The following LOC128462377 variants were observed in gnomAD, a reference collection of about 807,000 sequenced individuals.
At chr16:89,405,941 C>T in the LOC128462377 span, among the ~76,000 whole-genome samples, 2 of 152,034 alleles carry the variant, frequency 1.3e-5, no homozygotes, top group Non-Finnish European at 1.5e-5. Flanking sequence ...AAAGCCCCGT[C>T]TCTACTAAAA....
At chr16:89,330,654 G>A in the LOC128462377 span, among the ~76,000 whole-genome samples, 39 of 43,228 alleles carry the variant, frequency 9.0e-4, no homozygotes, top group African/African-American at 3.1e-3. Flanking sequence ...CCAGTACAGT[G>A]ACTGGGGGGG....
chr16:89,350,522 G>A, the LOC128462377 span, among the ~76,000 whole-genome samples: 1 of 152,088 alleles, frequency 6.6e-6, no homozygotes, highest in Non-Finnish European at 1.5e-5. Context: ...AATCTCAAAA[G>A]GAAGATGAAA....
chr16:89,337,429 C>CTTTTTTTTTTTTTTTTTTTT, the LOC128462377 span, among the ~76,000 whole-genome samples: 2 of 53,118 alleles, frequency 3.8e-5, 1 homozygote, highest in Non-Finnish European at 6.4e-5. Context: ...CTAAGCAATT[C>CTTTTTTTTTTTTTTTTTTTT]TTTTTTTTTT....
chr16:89,361,050 G>A, the LOC128462377 span, among the ~76,000 whole-genome samples: 1 of 152,106 alleles, frequency 6.6e-6, no homozygotes, highest in Non-Finnish European at 1.5e-5. Context: ...TGGGCTCCAG[G>A]ATCAGCCCAC....
chr16:89,357,316 G>A, the LOC128462377 span, among the ~76,000 whole-genome samples: 18 of 152,132 alleles, frequency 1.2e-4, no homozygotes, highest in Admixed American at 6.5e-5. Flanking sequence ...TGCTCACCAC[G>A]TGTCCCGGGG....
the LOC128462377 span, among the ~76,000 whole-genome samples, chr16:89,388,691 C>T: frequency 1.3e-5 from 2 of 152,264 alleles, no homozygotes; most frequent in South Asian, 2.1e-4. Flanking sequence ...GGAGGTTTAG[C>T]GGACAGGACG....
At chr16:89,334,172 A>AAAAAG in the LOC128462377 span, among the ~76,000 whole-genome samples, 8 of 149,064 alleles carry the variant, frequency 5.4e-5, no homozygotes, top group African/African-American at 2.0e-4. Context: ...AAAAAAAAAA[A>AAAAAG]ACAGAGAGAG....
At chr16:89,369,708 T>C in the LOC128462377 span, among the ~76,000 whole-genome samples, 1 of 152,188 alleles carries the variant, frequency 6.6e-6, no homozygotes, top group African/African-American at 2.4e-5. Context: ...TCTGCATCTG[T>C]GATCAACTGT....
At chr16:89,403,053 G>A in the LOC128462377 span, among the ~76,000 whole-genome samples, 1 of 152,144 alleles carries the variant, frequency 6.6e-6, no homozygotes, top group African/African-American at 2.4e-5. Context: ...TCGCTCAACT[G>A]CGTGGTGGCG....
the LOC128462377 span, among the ~76,000 whole-genome samples, chr16:89,345,358 C>T: frequency 2.0e-5 from 3 of 151,848 alleles, no homozygotes; most frequent in African/African-American, 7.3e-5. Context: ...GCACCTGGTG[C>T]CCCATCTGGG....
At chr16:89,334,144 T>TAAAAAAAAAAAAAAAA in the LOC128462377 span, among the ~76,000 whole-genome samples, 15 of 41,414 alleles carry the variant, frequency 3.6e-4, 3 homozygotes, top group African/African-American at 1.4e-3. Context: ...CCCTGTGTTT[T>TAAAAAAAAAAAAAAAA]AAAAAAAAAA....
chr16:89,329,231 G>C, the LOC128462377 span, among the ~76,000 whole-genome samples: 2 of 152,236 alleles, frequency 1.3e-5, no homozygotes, highest in East Asian at 3.8e-4. Flanking sequence ...GGAGGCTCTA[G>C]GACCAGGTAT....
chr16:89,353,350 AAG>A, the LOC128462377 span, among the ~76,000 whole-genome samples: 287 of 149,230 alleles, frequency 1.9e-3, no homozygotes, highest in African/African-American at 3.6e-3. Flanking sequence ...TCCAAAAAAA[AAG>A]AGAGAGAGAG....
chr16:89,373,564 C>CAG, the LOC128462377 span: 1 of 152,278 alleles, frequency 6.6e-6, no homozygotes, highest in East Asian at 1.9e-4. Flanking sequence ...ATAGCAGTAC[C>CAG]AGACACCAGC....
At chr16:89,401,312 C>T in the LOC128462377 span, among the ~76,000 whole-genome samples, 1 of 152,152 alleles carries the variant, frequency 6.6e-6, no homozygotes, top group Admixed American at 6.5e-5. Flanking sequence ...CTCCTGACCT[C>T]GTGATCCACC....
chr16:89,350,654 C>T, the LOC128462377 span, among the ~76,000 whole-genome samples: 1 of 152,206 alleles, frequency 6.6e-6, no homozygotes, highest in South Asian at 2.1e-4. Flanking sequence ...TGACATGCTG[C>T]TGCAAAGAGG....
At chr16:89,344,287 C>T in the LOC128462377 span, among the ~76,000 whole-genome samples, 1 of 152,166 alleles carries the variant, frequency 6.6e-6, no homozygotes. Flanking sequence ...CTCTAACGAG[C>T]CTCAGCTAAC....
the LOC128462377 span, among the ~76,000 whole-genome samples, chr16:89,364,520 G>A: frequency 2.6e-4 from 39 of 151,944 alleles, no homozygotes; most frequent in Admixed American, 2.4e-3. Context: ...TAACCTATTC[G>A]CCCTCAAAAC....
the LOC128462377 span, among the ~76,000 whole-genome samples, chr16:89,387,392 G>T: frequency 6.6e-6 from 1 of 151,998 alleles, no homozygotes; most frequent in Non-Finnish European, 1.5e-5. Flanking sequence ...CTGTGCTTGG[G>T]CCGGGCGCGG....
Sources: gnomAD v4.1 joint callset for allele counts (sites outside exome capture counted in the v4.1 genomes callset) on GRCh38, gnomAD v4.1.1 for gene constraint, MANE v1.5 for transcripts.